The following WAC variants were observed in gnomAD, a reference collection of about 807,000 sequenced individuals.
The protein encoded by WAC is WW domain-containing adapter protein with coiled-coil.
WAC carries 11 observed loss-of-function variants against 79.6 expected under a neutral mutation model. The ratio of observed to expected loss-of-function variants is 0.14; its 90% CI spans 0.09 to 0.23. The LOEUF (loss-of-function observed/expected upper bound fraction) is 0.23, where lower values mean the gene tolerates loss of function less well. Ranked by LOEUF, WAC falls within the 10% of genes least tolerant of loss-of-function variation. The pLI, the probability that WAC is intolerant of heterozygous loss-of-function variation, is 1.00. For synonymous variants in WAC, 304 were observed against 276.9 expected (o/e 1.10, Z -0.97); for missense variants, 728 against 773.5 (o/e 0.94, Z 0.70).
intron 3 of WAC, among the ~76,000 whole-genome samples, chr10:28,553,093 T>C (rs995020026): frequency 6.6e-6 from 1 of 152,158 alleles, no homozygotes; most frequent in Admixed American, 6.5e-5. Flanking sequence ...TTTCCCCCAA[T>C]GTTCATTTAA....
chr10:28,579,122 A>G (rs1458499845), intron 3 of WAC, among the ~76,000 whole-genome samples: 2 of 152,268 alleles, frequency 1.3e-5, no homozygotes, highest in South Asian at 2.1e-4. Flanking sequence ...ACAACATTTA[A>G]AAACATTTTT....
chr10:28,534,318 G>C (rs1443843347), intron 2 of WAC: 1 of 381,358 alleles, frequency 2.6e-6, no homozygotes, highest in Non-Finnish European at 4.7e-6. Flanking sequence ...TTATTTGCGA[G>C]TGAAGGAATC....
At chr10:28,597,857 A>G (rs1382567014) in intron 7 of WAC, among the ~76,000 whole-genome samples, 1 of 152,194 alleles carries the variant, frequency 6.6e-6, no homozygotes, top group African/African-American at 2.4e-5. Flanking sequence ...CCTAGCACTC[A>G]TTGAAATTCA....
chr10:28,563,144 AT>A (rs1195362101), intron 3 of WAC, among the ~76,000 whole-genome samples: 4 of 152,106 alleles, frequency 2.6e-5, no homozygotes, highest in Non-Finnish European at 5.9e-5. Flanking sequence ...ACCTCAAGTG[AT>A]CTGCCTGCCT....
intron 3 of WAC, among the ~76,000 whole-genome samples, chr10:28,544,054 T>C (rs1405038286): frequency 6.6e-6 from 1 of 152,218 alleles, no homozygotes; most frequent in Non-Finnish European, 1.5e-5. Context: ...AGCTAATTTT[T>C]GTATTTTTAG....
chr10:28,619,390 C>T, intron 13 of WAC, 147 bp from the exon 14 acceptor site: 2 of 597,804 alleles, frequency 3.3e-6, no homozygotes, highest in Non-Finnish European at 2.8e-6. Flanking sequence ...AACTGTAAAC[C>T]AATTTATAGT....
intron 3 of WAC, among the ~76,000 whole-genome samples, chr10:28,549,728 C>T (rs534933735): frequency 9.2e-5 from 14 of 152,178 alleles, no homozygotes; most frequent in South Asian, 4.2e-4. Flanking sequence ...TTTTTCTCTC[C>T]GCTTCCACAT....
At chr10:28,549,416 C>G (rs758127788) in intron 3 of WAC, among the ~76,000 whole-genome samples, 1 of 152,148 alleles carries the variant, frequency 6.6e-6, no homozygotes, top group Non-Finnish European at 1.5e-5. Context: ...GGACAGCCAC[C>G]ACCTAATGTT....
At chr10:28,599,044 C>G (rs1840512721) in intron 7 of WAC, among the ~76,000 whole-genome samples, 1 of 152,032 alleles carries the variant, frequency 6.6e-6, no homozygotes. Flanking sequence ...TTAGATTGTT[C>G]ATTTAGATTG....
chr10:28,556,053 A>T (rs1837963006), intron 3 of WAC, among the ~76,000 whole-genome samples: 1 of 152,198 alleles, frequency 6.6e-6, no homozygotes, highest in South Asian at 2.1e-4. Context: ...GATATCGAGC[A>T]TATCTGTTTG....
intron 7 of WAC, 152 bp downstream of exon 7, chr10:28,596,193 T>A: frequency 1.3e-6 from 1 of 772,040 alleles, no homozygotes; most frequent in Non-Finnish European, 1.9e-6. Flanking sequence ...GGTGTAGAGT[T>A]AGCAATATTT....
rs200921486 is a variant in WAC at position 28,563,842 on chromosome 10, C to T, written c.275-19557C>T. Among the ~76,000 whole-genome samples, 50 of 147,388 alleles carry T rather than the reference C, an allele frequency of 3.4e-4. No individual in the cohort carries two copies. In the East Asian group the frequency reaches 8.0e-3, roughly 23 times the overall value. On this transcript the variant is annotated intron_variant, in intron 3 of 13. Coordinates refer to ENST00000354911, the MANE Select transcript of WAC (RefSeq NM_016628.5). ...GTCGTGATCTCCTGACCTCGTGATC[C>T]GCTGCCTTGGTCTCCCAAAGTGCTG...
intron 3 of WAC, among the ~76,000 whole-genome samples, chr10:28,549,928 C>T (rs1344964485): frequency 6.6e-6 from 1 of 152,054 alleles, no homozygotes; most frequent in Non-Finnish European, 1.5e-5. Flanking sequence ...AGTTTGAGGT[C>T]CCGAGGTGGA....
intron 6 of WAC, chr10:28,591,075 C>T: frequency 2.6e-6 from 1 of 389,746 alleles, no homozygotes; most frequent in Non-Finnish European, 4.6e-6. Flanking sequence ...AGTTGAATTG[C>T]AAACAGTAAA....
At chr10:28,560,440 C>CTA (rs1838238153) in intron 3 of WAC, among the ~76,000 whole-genome samples, 1 of 152,126 alleles carries the variant, frequency 6.6e-6, no homozygotes, top group Non-Finnish European at 1.5e-5. Context: ...ATGAGGAAGA[C>CTA]TATAGAGCAA....
At chr10:28,547,262 C>T (rs1468303411) in intron 3 of WAC, among the ~76,000 whole-genome samples, 6 of 152,024 alleles carry the variant, frequency 3.9e-5, no homozygotes, top group South Asian at 4.2e-4. Context: ...TGGCCAGGTG[C>T]GGTGGCTCAC....
chr10:28,618,237 G>A (rs1841560345), intron 13 of WAC, among the ~76,000 whole-genome samples: 1 of 152,102 alleles, frequency 6.6e-6, no homozygotes, highest in Non-Finnish European at 1.5e-5. Flanking sequence ...TTAATCTAGT[G>A]TTTCACTCAA....
At chr10:28,556,207 C>T (rs1052369522) in intron 3 of WAC, among the ~76,000 whole-genome samples, 1 of 151,954 alleles carries the variant, frequency 6.6e-6, no homozygotes, top group African/African-American at 2.4e-5. Flanking sequence ...CCCTCCTCTG[C>T]ACCCTCACCA....
At chr10:28,586,936 A>G (rs1275327416) in intron 4 of WAC, among the ~76,000 whole-genome samples, 1 of 152,138 alleles carries the variant, frequency 6.6e-6, no homozygotes, top group Non-Finnish European at 1.5e-5. Context: ...TCATCTTGTT[A>G]TCAACTAAGT....
Sources: allele counts gnomAD v4.1 joint callset (sites outside exome capture counted in the v4.1 genomes callset), GRCh38; gene constraint gnomAD v4.1.1; transcripts MANE v1.5; gene names NCBI Gene and HGNC (gene_info 2026-07-23, HGNC 2026-07-21).